The following TUBGCP3 variants were observed in gnomAD, a reference collection of about 807,000 sequenced individuals.
TUBGCP3 encodes tubulin gamma complex component 3, also known as gamma-tubulin complex component 3.
A neutral mutation model predicts 123.1 loss-of-function variants in TUBGCP3; 50 were observed. The ratio of observed to expected loss-of-function variants is 0.41; its 90% confidence interval spans 0.32 to 0.51. TUBGCP3 has a LOEUF of 0.51. Ranked by LOEUF, TUBGCP3 falls within the 20% of genes least tolerant of loss-of-function variation. TUBGCP3 has a pLI of 0.36. For missense variants in TUBGCP3, 882 were observed against 1,127.0 expected (o/e 0.78, Z 3.11); for synonymous variants, 405 against 413.9 (o/e 0.98, Z 0.26).
chr13:112,531,822 A>T (rs1877601628), intron 11 of TUBGCP3, among the ~76,000 whole-genome samples: 1 of 152,170 alleles, frequency 6.6e-6, no homozygotes, highest in South Asian at 2.1e-4. Context: ...TAGAGGGAAA[A>T]AAACCAAGGT....
chr13:112,527,283 T>A, intron 12 of TUBGCP3, 91 bp downstream of exon 12: 2 of 1,009,812 alleles, frequency 2.0e-6, no homozygotes, highest in Non-Finnish European at 2.9e-6. Context: ...TCAAAACGCA[T>A]GAAATTTTAA....
chr13:112,528,862 T>C (rs192270599), intron 11 of TUBGCP3, among the ~76,000 whole-genome samples: 45 of 152,286 alleles, frequency 3.0e-4, no homozygotes, highest in African/African-American at 1.1e-3. Flanking sequence ...CTGTTTTTTT[T>C]TCTTTTTGAG....
chr13:112,569,035 C>A, intron 2 of TUBGCP3, 117 bp downstream of exon 2: 1 of 831,184 alleles, frequency 1.2e-6, no homozygotes. Flanking sequence ...TTATTTTGTA[C>A]CAATATTAAA....
At chr13:112,490,711 A>C (rs578256130) in intron 20 of TUBGCP3, among the ~76,000 whole-genome samples, 2 of 152,296 alleles carry the variant, frequency 1.3e-5, no homozygotes, top group South Asian at 4.1e-4. Flanking sequence ...AATATTTACA[A>C]CCCAGATTTG....
intron 17 of TUBGCP3, among the ~76,000 whole-genome samples, chr13:112,515,936 C>T (rs1876087924): frequency 6.6e-6 from 1 of 152,218 alleles, no homozygotes; most frequent in African/African-American, 2.4e-5. Context: ...CCATTTAGTT[C>T]TTCCTTAGAG....
In TUBGCP3 at chr13:112,563,914, G is replaced by A. The variant is rs1030559783; in HGVS notation, c.252+1197C>T. Among the ~76,000 whole-genome samples, 3 of 151,614 alleles carry A rather than the reference G, an allele frequency of 2.0e-5. No homozygotes were observed. In the South Asian group the frequency reaches 6.2e-4, roughly 32 times the overall value. On this transcript the variant is annotated intron_variant, in intron 3 of 21. Coordinates refer to ENST00000261965, the MANE Select transcript of TUBGCP3 (RefSeq NM_006322.6). ...GTGTCTAAATATGTTTTCATCCAAT[G>A]GCTAATATTAACAAATACAACAGCT... is the stretch of plus-strand genomic sequence containing the variant.
intron 17 of TUBGCP3, among the ~76,000 whole-genome samples, chr13:112,505,216 T>G (rs1459847025): frequency 6.6e-6 from 1 of 152,170 alleles, no homozygotes; most frequent in Non-Finnish European, 1.5e-5. Flanking sequence ...CTTTTATCCT[T>G]TAGGAGATCA....
rs74972542 is a variant in TUBGCP3 at position 112,495,950 on chromosome 13, T to A, written c.2448+3095A>T. On this transcript the variant is annotated intron_variant, in intron 20 of 21. Coordinates refer to ENST00000261965, the MANE Select transcript of TUBGCP3 (RefSeq NM_006322.6). The stretch of plus-strand genomic sequence containing the variant: ...ATTTTTGGCAAAAAATTTTTAAAAA[T>A]TATTAGAATAAAAGAAGAAATATTT... Among the ~76,000 whole-genome samples, 929 of 151,352 alleles carry A rather than the reference T, an allele frequency of 6.1e-3. 4 individuals carry two copies. The highest frequency in any genetic ancestry group is 0.022 in the African/African-American group (887 of 40,734).
intron 1 of TUBGCP3, among the ~76,000 whole-genome samples, chr13:112,574,988 C>T (rs1383681162): frequency 6.6e-6 from 1 of 152,220 alleles, no homozygotes; most frequent in East Asian, 1.9e-4. Flanking sequence ...CTGCGCCAGG[C>T]TACCAGCCCC....
At chr13:112,501,942 A>G (rs1880934726) in intron 19 of TUBGCP3, among the ~76,000 whole-genome samples, 3 of 152,224 alleles carry the variant, frequency 2.0e-5, no homozygotes, top group African/African-American at 7.2e-5. Context: ...CAGAAGGTTC[A>G]CATCTGTAAG....
At chr13:112,521,258 C>T (rs1264290161) in intron 14 of TUBGCP3, among the ~76,000 whole-genome samples, 2 of 152,218 alleles carry the variant, frequency 1.3e-5, no homozygotes, top group Non-Finnish European at 2.9e-5. Context: ...TCTTTTCTTA[C>T]AAATGTGTTA....
rs1876482240 is a variant in TUBGCP3, at chr13:112,520,036, T to TA, written c.1746-16dup. ...CAAGTTCTGGTCTTAACAAATTTTTTAAAAATTAAAGAAAATATTACTTCA... is the reference window on the plus strand; with the variant it reads ...CAAGTTCTGGTCTTAACAAATTTTTTAAAAAATTAAAGAAAATATTACTTCA... On this transcript the variant is annotated splice_polypyrimidine_tract_variant and intron_variant, in intron 14 of 21. Transcript: ENST00000261965. The TA allele has an allele frequency of 1.2e-6, 2 of 1,600,672 alleles. No individual in the cohort carries two copies. Among genetic ancestry groups the TA allele is most frequent in the Non-Finnish European group, 1.7e-6 (2 of 1,174,504 alleles).
chr13:112,534,177 A>G (rs1013096143), intron 11 of TUBGCP3, among the ~76,000 whole-genome samples: 3 of 152,204 alleles, frequency 2.0e-5, no homozygotes, highest in African/African-American at 4.8e-5. Context: ...TGGATAGACC[A>G]GGGGTCCTCA....
In TUBGCP3 at chr13:112,559,300, C is replaced by T. The variant is rs746674649; in HGVS notation, c.330+22G>A. On this transcript the variant is annotated intron_variant, in intron 4 of 21. Transcript: ENST00000261965. ...CCAGGGTGTCCCGACGGACACGACG[C>T]TGCAAAGGCAAAGCCACTTACCTTG... 6.9e-6 allele frequency: 11 copies of T among 1,604,260 alleles called. No individual in the cohort carries two copies. The African/African-American group carries it at 1.3e-4, about 20-fold the overall frequency.
At chr13:112,553,954 T>C (rs937287183) in intron 8 of TUBGCP3, 103 bp downstream of exon 8, 67 of 1,515,004 alleles carry the variant, frequency 4.4e-5, no homozygotes, top group Non-Finnish European at 5.8e-5. Flanking sequence ...CTGCTTTACT[T>C]GGAAAGAGCC....
At chr13:112,538,555 T>C (rs1278590693) in intron 11 of TUBGCP3, among the ~76,000 whole-genome samples, 1 of 152,230 alleles carries the variant, frequency 6.6e-6, no homozygotes, top group Non-Finnish European at 1.5e-5. Context: ...CTTCTCCCTG[T>C]TCAAATCTGC....
intron 1 of TUBGCP3, among the ~76,000 whole-genome samples, chr13:112,577,540 A>G (rs981623646): frequency 3.3e-5 from 5 of 152,232 alleles, no homozygotes; most frequent in African/African-American, 9.6e-5. Context: ...TGAATGTAAC[A>G]TTCCTAGAGG....
intron 19 of TUBGCP3, among the ~76,000 whole-genome samples, chr13:112,503,434 A>C (rs1881069268): frequency 6.6e-6 from 1 of 152,094 alleles, no homozygotes; most frequent in African/African-American, 2.4e-5. Context: ...CAGTGGCGTG[A>C]TCTCGGCTCA....
intron 5 of TUBGCP3, among the ~76,000 whole-genome samples, 161 bp downstream of exon 5, chr13:112,558,035 A>C (rs937832405): frequency 2.0e-4 from 31 of 152,250 alleles, no homozygotes; most frequent in African/African-American, 7.0e-4. Context: ...AAGAGGAGTA[A>C]CGTTCAGAGA....
Sources: gnomAD v4.1 joint callset for allele counts (sites outside exome capture counted in the v4.1 genomes callset) on GRCh38, gnomAD v4.1.1 for gene constraint, MANE v1.5 for transcripts, NCBI Gene and HGNC (gene_info 2026-07-23, HGNC 2026-07-21) for gene names.